SGCD: variants seen among roughly 807,000 people sequenced by gnomAD.
The protein encoded by SGCD is delta-sarcoglycan.
A neutral mutation model predicts 36.6 loss-of-function variants in SGCD; 18 were observed. The observed-to-expected ratio is 0.49, with a 90% CI of 0.34 to 0.73. The LOEUF (loss-of-function observed/expected upper bound fraction) is 0.73. SGCD is among the 30% of genes least tolerant of loss of function. The pLI, the probability that SGCD is intolerant of heterozygous loss-of-function variation, is 0.01. For synonymous variants in SGCD, 133 were observed against 130.6 expected, an observed-to-expected ratio of 1.02 and a Z score of -0.12; for missense variants, 387 against 346.7, an observed-to-expected ratio of 1.12 and a Z score of -0.92.
intron 3 of SGCD, among the ~76,000 whole-genome samples, chr5:156,286,081 C>T (rs1003544076): frequency 6.6e-6 from 1 of 152,176 alleles, no homozygotes; most frequent in Non-Finnish European, 1.5e-5. Context: ...AAATGCTCAT[C>T]AGCACTGGCC....
intron 2 of SGCD, among the ~76,000 whole-genome samples, chr5:156,336,311 G>C (rs1489433567): frequency 6.6e-6 from 1 of 152,158 alleles, no homozygotes; most frequent in East Asian, 1.9e-4. Context: ...GGATGGTCAG[G>C]CTTAACCATC....
chr5:156,322,942 A>T (rs1767710576), upstream of SGCD, among the ~76,000 whole-genome samples: 1 of 152,188 alleles, frequency 6.6e-6, no homozygotes. Flanking sequence ...CTCACATTGG[A>T]ATCATCTGAG....
chr5:156,074,028 C>T (rs1760685687), intron 1 of SGCD, among the ~76,000 whole-genome samples: 1 of 152,158 alleles, frequency 6.6e-6, no homozygotes, highest in Non-Finnish European at 1.5e-5. Flanking sequence ...GAGGTTGTAC[C>T]TAGAGCCCGA....
chr5:156,274,768 T>C (rs1766272304), intron 3 of SGCD, among the ~76,000 whole-genome samples: 1 of 152,202 alleles, frequency 6.6e-6, no homozygotes, highest in Admixed American at 6.5e-5. Flanking sequence ...TGCTCAGCCA[T>C]GCTCCTAGCT....
intron 3 of SGCD, among the ~76,000 whole-genome samples, chr5:156,293,662 G>A (rs2312061): frequency 0.13 from 19,144 of 151,846 alleles, 2,855 homozygotes; most frequent in African/African-American, 0.36. Flanking sequence ...ATTTTATTCC[G>A]TTGGTCTATG....
chr5:155,779,482 A>G, the SGCD span, among the ~76,000 whole-genome samples: 1 of 152,098 alleles, frequency 6.6e-6, no homozygotes, highest in African/African-American at 2.4e-5. Flanking sequence ...TTTGAAATCT[A>G]TTTTGTTGTT....
chr5:156,236,171 C>T (rs894514416), intron 3 of SGCD, among the ~76,000 whole-genome samples: 5 of 152,094 alleles, frequency 3.3e-5, no homozygotes, highest in African/African-American at 1.2e-4. Context: ...TTGATCAAAA[C>T]ATGTTACGGT....
At chr5:155,836,476 G>C in the SGCD span, among the ~76,000 whole-genome samples, 11,915 of 57,600 alleles carry the variant, frequency 0.21, 632 homozygotes, top group African/African-American at 0.36. Flanking sequence ...ACCCACCCCC[G>C]CCCCGCACTC....
At chr5:156,488,724 T>C (rs1205035352) in intron 3 of SGCD, among the ~76,000 whole-genome samples, 2 of 152,104 alleles carry the variant, frequency 1.3e-5, no homozygotes, top group East Asian at 3.9e-4. Context: ...TAAAACTCAC[T>C]GCTAGAGCAG....
intron 1 of SGCD, among the ~76,000 whole-genome samples, chr5:156,061,344 G>A (rs1760202046): frequency 6.9e-6 from 1 of 145,934 alleles, no homozygotes; most frequent in African/African-American, 2.5e-5. Context: ...AACAGAGACA[G>A]GGAGTTAATT....
intron 1 of SGCD, among the ~76,000 whole-genome samples, chr5:155,874,724 C>G (rs552044572): frequency 3.3e-5 from 5 of 151,952 alleles, no homozygotes; most frequent in Non-Finnish European, 5.9e-5. Flanking sequence ...AACACATACC[C>G]CTAGAAAGGC....
chr5:155,756,953 G>C, the SGCD span, among the ~76,000 whole-genome samples: 1 of 152,140 alleles, frequency 6.6e-6, no homozygotes, highest in Non-Finnish European at 1.5e-5. Flanking sequence ...AGGCTCCTGG[G>C]ATAAATACCA....
chr5:155,891,109 G>A (rs1293147151), intron 1 of SGCD, among the ~76,000 whole-genome samples: 1 of 152,208 alleles, frequency 6.6e-6, no homozygotes, highest in Admixed American at 6.5e-5. Context: ...GACAGTATGT[G>A]GAGCATCAGA....
intron 3 of SGCD, among the ~76,000 whole-genome samples, chr5:156,312,813 T>G (rs1767422520): frequency 6.6e-6 from 1 of 152,100 alleles, no homozygotes; most frequent in Non-Finnish European, 1.5e-5. Context: ...TTAAGAAAAT[T>G]AGTTGGAATT....
chr5:155,951,303 G>A (rs1757543097), intron 1 of SGCD, among the ~76,000 whole-genome samples: 1 of 152,084 alleles, frequency 6.6e-6, no homozygotes, highest in Non-Finnish European at 1.5e-5. Context: ...AAGACTGAGT[G>A]GACAAATCAT....
intron 2 of SGCD, among the ~76,000 whole-genome samples, chr5:156,342,367 C>G (rs1239180191): frequency 6.6e-6 from 1 of 152,184 alleles, no homozygotes; most frequent in Non-Finnish European, 1.5e-5. Context: ...CTTACCCTGC[C>G]ACAAATCCTT....
intron 3 of SGCD, among the ~76,000 whole-genome samples, chr5:156,307,561 T>TG (rs1767256911): frequency 6.9e-6 from 1 of 144,446 alleles, no homozygotes; most frequent in Non-Finnish European, 1.5e-5. Context: ...TGTTGTTTTT[T>TG]TTTTTTTTTT....
chr5:155,848,384 G>C, the SGCD span, among the ~76,000 whole-genome samples: 1 of 152,112 alleles, frequency 6.6e-6, no homozygotes, highest in Admixed American at 6.6e-5. Flanking sequence ...TCACATCTCA[G>C]GGTCTGAAAA....
At chr5:156,473,183 T>A (rs963902933) in intron 3 of SGCD, among the ~76,000 whole-genome samples, 3 of 152,198 alleles carry the variant, frequency 2.0e-5, no homozygotes, top group Non-Finnish European at 4.4e-5. Flanking sequence ...CCACCTGTAC[T>A]TAATGATATA....
Sources: allele counts gnomAD v4.1 joint callset (sites outside exome capture counted in the v4.1 genomes callset), GRCh38; gene constraint gnomAD v4.1.1; transcripts MANE v1.5; gene names NCBI Gene and HGNC (gene_info 2026-07-23, HGNC 2026-07-21).